Variants in KCNB2 observed in about 807,000 individuals in gnomAD.
The protein encoded by KCNB2 is delayed rectifier potassium channel protein.
A neutral mutation model predicts 61.5 loss-of-function variants in KCNB2; 15 were observed. The observed-to-expected ratio is 0.24, with a 90% CI of 0.16 to 0.38. The LOEUF (loss-of-function observed/expected upper bound fraction) is 0.38, where lower values mean the gene tolerates loss of function less well. Among genes scored for constraint, KCNB2 ranks in the 10% least tolerant of loss-of-function variants. The pLI, the probability that KCNB2 is intolerant of heterozygous loss-of-function variation, is 1.00. For synonymous variants in KCNB2, 457 were observed against 446.0 expected (o/e 1.02, Z -0.31); for missense variants, 828 against 1,125.2 (o/e 0.74, Z 3.78).
intron 2 of KCNB2, among the ~76,000 whole-genome samples, chr8:72,930,042 A>T (rs1806745713): frequency 6.8e-6 from 1 of 147,226 alleles, no homozygotes; most frequent in Non-Finnish European, 1.5e-5. Context: ...GAGTGAAAAC[A>T]TGCAATGTTT....
Position 72,725,442 on chromosome 8 carries a change from C to G in KCNB2, c.579+157129C>G, listed in dbSNP as rs910023193. Reference sequence around the variant, plus strand: ...CACTTAGGGAAGTCGGCTCTCTCTTCTGCTCGTGGGAGCATTGTAAGTTTT... The same window carrying G: ...CACTTAGGGAAGTCGGCTCTCTCTTGTGCTCGTGGGAGCATTGTAAGTTTT... On this transcript the variant is annotated intron_variant, in intron 2 of 2. Transcript: ENST00000523207. 3.3e-5 allele frequency among the ~76,000 whole-genome samples: 5 copies of G among 150,056 alleles called. No homozygotes were observed. In the South Asian group the frequency reaches 1.1e-3, roughly 32 times the overall value.
intron 1 of KCNB2, among the ~76,000 whole-genome samples, chr8:72,561,752 TATATATATGGATATATATATATATGG>T (rs1806529868): frequency 2.6e-4 from 7 of 27,362 alleles, no homozygotes; most frequent in African/African-American, 1.1e-3. Context: ...TATATGTATA[TATATATATGGATATATATATATATGG>T]ATATATATAT....
At chr8:72,686,762 C>A (rs953342057) in intron 2 of KCNB2, among the ~76,000 whole-genome samples, 3 of 152,130 alleles carry the variant, frequency 2.0e-5, no homozygotes, top group African/African-American at 7.2e-5. Flanking sequence ...AATTACATAT[C>A]CTTGGTGATT....
chr8:72,697,519 C>A (rs1807036912), intron 2 of KCNB2, among the ~76,000 whole-genome samples: 1 of 152,034 alleles, frequency 6.6e-6, no homozygotes, highest in Non-Finnish European at 1.5e-5. Context: ...TTAGTACCAG[C>A]TAATCACTAC....
At chr8:72,588,490 C>T (rs1012079252) in intron 2 of KCNB2, among the ~76,000 whole-genome samples, 1 of 152,080 alleles carries the variant, frequency 6.6e-6, no homozygotes, top group African/African-American at 2.4e-5. Flanking sequence ...CCGCCCACCT[C>T]GGCCTCCCAA....
chr8:72,638,666 G>A lies in KCNB2; in HGVS notation c.579+70353G>A, dbSNP rs1806007018. On this transcript the variant is annotated intron_variant, in intron 2 of 2. Transcript: ENST00000523207. ...GCCGGCAGTGTCCCCAAACCACTATGAAATCCAGTCTCAATCAAGTCCTAC... is the reference window on the plus strand; with the variant it reads ...GCCGGCAGTGTCCCCAAACCACTATAAAATCCAGTCTCAATCAAGTCCTAC... 2.0e-5 allele frequency among the ~76,000 whole-genome samples: 3 copies of A among 152,228 alleles called. No individual in the cohort carries two copies. The South Asian group carries it at 6.2e-4, about 32-fold the overall frequency.
intron 2 of KCNB2, among the ~76,000 whole-genome samples, chr8:72,672,465 A>T (rs907253292): frequency 2.6e-5 from 4 of 152,146 alleles, no homozygotes; most frequent in African/African-American, 9.7e-5. Context: ...AAATTTGACA[A>T]TTTGACATTA....
chr8:72,562,972 A>G (rs1585753432), intron 1 of KCNB2, among the ~76,000 whole-genome samples: 1 of 152,236 alleles, frequency 6.6e-6, no homozygotes, highest in East Asian at 1.9e-4. Flanking sequence ...GCAGAAAAGG[A>G]CATAAATTTA....
intron 2 of KCNB2, among the ~76,000 whole-genome samples, chr8:72,649,529 C>T (rs1806181567): frequency 6.6e-6 from 1 of 152,138 alleles, no homozygotes; most frequent in African/African-American, 2.4e-5. Flanking sequence ...GTACCCCAAA[C>T]TTCAGTATCA....
intron 1 of KCNB2, among the ~76,000 whole-genome samples, chr8:72,538,856 A>G (rs1806151950): frequency 6.6e-6 from 1 of 152,160 alleles, no homozygotes; most frequent in Admixed American, 6.5e-5. Flanking sequence ...TGTGTAGTAT[A>G]GTGTGGGTCG....
intron 2 of KCNB2, among the ~76,000 whole-genome samples, chr8:72,674,804 C>G (rs1312522095): frequency 6.6e-6 from 1 of 152,036 alleles, no homozygotes; most frequent in African/African-American, 2.4e-5. Context: ...AAGCATAAAG[C>G]CTTCAAAGGA....
chr8:72,861,708 A>G (rs942324240), intron 2 of KCNB2, among the ~76,000 whole-genome samples: 2 of 152,178 alleles, frequency 1.3e-5, no homozygotes, highest in African/African-American at 4.8e-5. Flanking sequence ...CTGACCAGAA[A>G]AACAAAGCAA....
At chr8:72,928,473 G>C (rs1331305984) in intron 2 of KCNB2, among the ~76,000 whole-genome samples, 1 of 152,086 alleles carries the variant, frequency 6.6e-6, no homozygotes, top group Non-Finnish European at 1.5e-5. Context: ...TGGGGTTACA[G>C]GCATGAGCCA....
At chr8:72,931,546 T>C (rs1207828469) in intron 2 of KCNB2, among the ~76,000 whole-genome samples, 1 of 152,226 alleles carries the variant, frequency 6.6e-6, no homozygotes, top group East Asian at 1.9e-4. Context: ...AGGTATTTTA[T>C]TTTCTTTGAA....
chr8:72,760,555 A>T (rs1808361305), intron 2 of KCNB2, among the ~76,000 whole-genome samples: 1 of 152,134 alleles, frequency 6.6e-6, no homozygotes, highest in African/African-American at 2.4e-5. Flanking sequence ...GACCTACTAA[A>T]TCAGAAACAC....
At chr8:72,870,960 G>A (rs575544472) in intron 2 of KCNB2, among the ~76,000 whole-genome samples, 1 of 152,296 alleles carries the variant, frequency 6.6e-6, no homozygotes, top group East Asian at 1.9e-4. Context: ...CTGAGTGACA[G>A]AGTAAGACCT....
At chr8:72,568,582 T>C (rs1176541879) in intron 2 of KCNB2, among the ~76,000 whole-genome samples, 2 of 152,192 alleles carry the variant, frequency 1.3e-5, no homozygotes, top group African/African-American at 4.8e-5. Flanking sequence ...CTGGTTTTCC[T>C]GGCGCTGTAT....
chr8:72,816,485 C>T (rs16938401), intron 2 of KCNB2, among the ~76,000 whole-genome samples: 7,144 of 152,214 alleles, frequency 0.047, 584 homozygotes, highest in East Asian at 0.4. Flanking sequence ...GGTTTTGAAG[C>T]AGTTAGTCCA....
intron 2 of KCNB2, among the ~76,000 whole-genome samples, chr8:72,600,296 A>T (rs960254025): frequency 7.2e-5 from 11 of 152,134 alleles, no homozygotes; most frequent in African/African-American, 2.7e-4. Flanking sequence ...CTTTGTAGGG[A>T]CATGGATGAA....
Sources: allele counts gnomAD v4.1 joint callset (sites outside exome capture counted in the v4.1 genomes callset), GRCh38; gene constraint gnomAD v4.1.1; transcripts MANE v1.5; gene names NCBI Gene and HGNC (gene_info 2026-07-23, HGNC 2026-07-21).